Variants in TRPM1 observed in about 807,000 individuals in gnomAD.
The protein encoded by TRPM1 is TRPM1-203 APA Isoform, Intron 10.
Under a neutral mutation model 149.4 loss-of-function variants are expected in TRPM1, and 113 were observed. The observed-to-expected ratio is 0.76, with a 90% CI of 0.65 to 0.88. The LOEUF (loss-of-function observed/expected upper bound fraction) is 0.88, where lower values mean the gene tolerates loss of function less well. TRPM1 is among the 40% of genes least tolerant of loss of function. The pLI, the probability that TRPM1 is intolerant of heterozygous loss-of-function variation, is 0.00. For synonymous variants in TRPM1, 741 were observed against 759.5 expected (o/e 0.98, Z 0.40); for missense variants, 1,976 against 2,038.7 (o/e 0.97, Z 0.59).
intron 1 of TRPM1, among the ~76,000 whole-genome samples, chr15:31,086,068 C>G (rs1234838985): frequency 6.6e-6 from 1 of 152,176 alleles, no homozygotes; most frequent in Non-Finnish European, 1.5e-5. Flanking sequence ...ATCTAATTCT[C>G]TCACCCTTCA....
At chr15:31,092,827 T>C (rs1307570410) in intron 1 of TRPM1, among the ~76,000 whole-genome samples, 1 of 152,150 alleles carries the variant, frequency 6.6e-6, no homozygotes, top group Non-Finnish European at 1.5e-5. Flanking sequence ...AGCTACCATA[T>C]GGGTGACTCT....
chr15:31,069,838 G>A (rs1256964829), intron 4 of TRPM1, 193 bp downstream of exon 4: 12 of 1,546,062 alleles, frequency 7.8e-6, no homozygotes, highest in African/African-American at 1.4e-5. Context: ...GTTCTTTACA[G>A]TGGTGTCCAG....
upstream of TRPM1, among the ~76,000 whole-genome samples, chr15:31,106,143 T>C (rs1443385400): frequency 5.6e-5 from 1 of 17,786 alleles, no homozygotes; most frequent in Non-Finnish European, 1.2e-4. Context: ...TTTCTTTTCT[T>C]TTTTTTTTTT....
Position 31,025,633 on chromosome 15 carries a change from A to AC in TRPM1, c.3629+505dup, listed in dbSNP as rs534515839. ...CCACCCTCATGGGGCCAGACACCTC[A>AC]CCCCCCACCCTGCACCCCACCCCTC... On this transcript the variant is annotated intron_variant, in intron 27 of 27. Transcript: ENST00000256552. Among the ~76,000 whole-genome samples the AC allele has an allele frequency of 1.2e-3, 176 of 151,164 alleles. 1 individual carries two copies. Among genetic ancestry groups the AC allele is most frequent in the African/African-American group, 4.1e-3 (169 of 41,150 alleles).
intron 1 of TRPM1, among the ~76,000 whole-genome samples, chr15:31,111,694 G>A (rs1236771412): frequency 6.6e-6 from 1 of 152,148 alleles, no homozygotes; most frequent in Non-Finnish European, 1.5e-5. Context: ...CTCAACGCAT[G>A]GCACCCCTCT....
chr15:31,027,080 C>G lies in TRPM1; in HGVS notation c.3331G>C (p.Val1111Leu), dbSNP rs747646051. The G allele has an allele frequency of 6.2e-7, 1 of 1,614,134 alleles. No individual in the cohort carries two copies. Among genetic ancestry groups the G allele is most frequent in the Non-Finnish European group, 8.5e-7 (1 of 1,180,046 alleles). The change falls in exon 26 of 28, where the codon GTG becomes CTG. Residue 1111 changes from valine to leucine, a missense_variant. Transcript: ENST00000256552. ...AGCTGATATCGCTGGAACTTCCACA[C>G]CTGGTTGGATATTGATTTTACTTCA... ...FFEVKSISNQ[V>L]WKFQRYQLIM...
chr15:31,095,170 C>G (rs1226870271), intron 1 of TRPM1, among the ~76,000 whole-genome samples: 1 of 152,192 alleles, frequency 6.6e-6, no homozygotes, highest in African/African-American at 2.4e-5. Flanking sequence ...TAGATAAATC[C>G]ATACAGACAA....
intron 27 of TRPM1, among the ~76,000 whole-genome samples, chr15:31,016,979 AC>A (rs1411786241): frequency 9.9e-4 from 133 of 134,376 alleles, no homozygotes; most frequent in Middle Eastern, 7.4e-3. Context: ...ACACACACAC[AC>A]ACACACACAA....
At chr15:31,061,609 T>C in intron 9 of TRPM1, 95 bp from the exon 10 acceptor site, 2 of 1,007,140 alleles carry the variant, frequency 2.0e-6, no homozygotes, top group Non-Finnish European at 3.1e-6. Context: ...TGACACGTAA[T>C]AAAATGATCC....
chr15:31,142,207 C>T (rs1055766308), intron 1 of TRPM1, among the ~76,000 whole-genome samples: 1 of 152,168 alleles, frequency 6.6e-6, no homozygotes, highest in Non-Finnish European at 1.5e-5. Context: ...GTGTCTCCCT[C>T]TCTGCATCTA....
intron 1 of TRPM1, among the ~76,000 whole-genome samples, chr15:31,156,081 C>A (rs915882270): frequency 2.6e-5 from 4 of 151,218 alleles, no homozygotes; most frequent in African/African-American, 9.7e-5. Context: ...CCTGTAATCC[C>A]AGCTACTCTG....
exon 1 of TRPM1, chr15:31,161,085 C>A: frequency 1.0e-6 from 1 of 972,300 alleles, no homozygotes; most frequent in Non-Finnish European, 1.6e-6. Context: ...CCACACTCGG[C>A]GGCAGCCCCA....
chr15:31,151,252 G>A (rs1310717777), intron 1 of TRPM1, among the ~76,000 whole-genome samples: 1 of 152,180 alleles, frequency 6.6e-6, no homozygotes, highest in Non-Finnish European at 1.5e-5. Context: ...GGTGAGGGTT[G>A]AAGCAGGGTA....
intron 1 of TRPM1, among the ~76,000 whole-genome samples, chr15:31,114,874 A>G (rs990994760): frequency 2.0e-5 from 3 of 152,252 alleles, no homozygotes; most frequent in Non-Finnish European, 4.4e-5. Context: ...AAAAAGAGTA[A>G]AGAACAAAGA....
chr15:31,006,214 G>A (rs1412561626), intron 27 of TRPM1, among the ~76,000 whole-genome samples: 2 of 151,312 alleles, frequency 1.3e-5, no homozygotes, highest in Non-Finnish European at 2.9e-5. Flanking sequence ...GTCTTGCTCT[G>A]TTGCCCAGAC....
chr15:31,123,391 A>G (rs1334704946), intron 1 of TRPM1, among the ~76,000 whole-genome samples: 1 of 152,240 alleles, frequency 6.6e-6, no homozygotes, highest in Non-Finnish European at 1.5e-5. Flanking sequence ...TACATTTAAA[A>G]AACAGAGACT....
In TRPM1 at chr15:31,134,090, G is replaced by A. The variant is rs115458767; in HGVS notation, c.54+26816C>T. ...GGTGGATGGAAGCCGCCGGAGGCCC[G>A]TGTGGCTGGAGTGTTGAGAAGGAAG... On this transcript the variant is annotated intron_variant, in intron 1 of 26. Coordinates refer to the TRPM1 transcript ENST00000542188. Among the ~76,000 whole-genome samples, 1,352 of 152,302 alleles carry A rather than the reference G, an allele frequency of 8.9e-3. 22 individuals carry two copies. The highest frequency in any genetic ancestry group is 0.031 in the African/African-American group (1,286 of 41,562).
At chr15:31,117,133 T>A (rs2035810243) in intron 1 of TRPM1, among the ~76,000 whole-genome samples, 1 of 152,186 alleles carries the variant, frequency 6.6e-6, no homozygotes, top group Non-Finnish European at 1.5e-5. Flanking sequence ...GTGGATCATC[T>A]GAGGTCAGGA....
chr15:31,088,924 A>T (rs898043058), intron 1 of TRPM1, among the ~76,000 whole-genome samples: 1 of 152,126 alleles, frequency 6.6e-6, no homozygotes, highest in African/African-American at 2.4e-5. Context: ...CTGGTGGCAG[A>T]ATTGCGTGGA....
Sources: allele counts gnomAD v4.1 joint callset (sites outside exome capture counted in the v4.1 genomes callset), GRCh38; gene constraint gnomAD v4.1.1; transcripts MANE v1.5; gene names NCBI Gene and HGNC (gene_info 2026-07-23, HGNC 2026-07-21).